The following TACR3 variants were observed in gnomAD, a reference collection of about 807,000 sequenced individuals.
TACR3 encodes neuromedin-K receptor.
In TACR3, 34 loss-of-function variants were observed where a neutral mutation model predicts 35.0. That is an observed-to-expected ratio of 0.97 (90% confidence interval 0.74 to 1.30). The LOEUF (loss-of-function observed/expected upper bound fraction) is 1.30, where lower values mean the gene tolerates loss of function less well. TACR3 is among the 50% of genes most tolerant of loss of function. The pLI, the probability that TACR3 is intolerant of heterozygous loss-of-function variation, is 0.00. For missense variants in TACR3, 558 were observed against 591.7 expected (o/e 0.94, Z 0.59); for synonymous variants, 233 against 221.1 (o/e 1.05, Z -0.48).
chr4:103,697,458 T>G (rs1021596070), intron 1 of TACR3, among the ~76,000 whole-genome samples: 2 of 151,692 alleles, frequency 1.3e-5, no homozygotes, highest in Non-Finnish European at 2.9e-5. Context: ...GGAGTCTCCT[T>G]CTGTTGCCCA....
At chr4:103,629,878 A>T (rs573796498) in intron 3 of TACR3, among the ~76,000 whole-genome samples, 4 of 141,706 alleles carry the variant, frequency 2.8e-5, no homozygotes, top group Non-Finnish European at 6.2e-5. Context: ...AAAACAAAAA[A>T]AACAACAACA....
At chr4:103,663,706 C>G (rs1430106862) in intron 1 of TACR3, among the ~76,000 whole-genome samples, 1 of 152,098 alleles carries the variant, frequency 6.6e-6, no homozygotes, top group African/African-American at 2.4e-5. Context: ...GGAGAATTGC[C>G]AGGCTCTGAT....
intron 3 of TACR3, among the ~76,000 whole-genome samples, chr4:103,612,481 T>C (rs936166715): frequency 6.6e-6 from 1 of 152,170 alleles, no homozygotes; most frequent in Non-Finnish European, 1.5e-5. Flanking sequence ...TTTGCCCTGC[T>C]TAAATGCAAA....
intron 1 of TACR3, among the ~76,000 whole-genome samples, chr4:103,680,921 A>C (rs530314575): frequency 3.7e-4 from 57 of 152,052 alleles, no homozygotes; most frequent in Middle Eastern, 6.8e-3. Context: ...TTTCAAAAGA[A>C]AACTCTAATT....
intron 1 of TACR3, among the ~76,000 whole-genome samples, chr4:103,698,771 TTAAAA>T (rs1037718982): frequency 9.2e-5 from 14 of 151,810 alleles, no homozygotes; most frequent in Admixed American, 2.0e-4. Context: ...ATTGCATATT[TTAAAA>T]TAAAATAAAA....
At chr4:103,703,163 T>C (rs993170943) in intron 1 of TACR3, among the ~76,000 whole-genome samples, 2 of 152,198 alleles carry the variant, frequency 1.3e-5, no homozygotes, top group Admixed American at 6.5e-5. Flanking sequence ...TTTGCATGTA[T>C]CTCAGAGTCA....
intron 1 of TACR3, among the ~76,000 whole-genome samples, chr4:103,710,496 G>A (rs1048272784): frequency 6.6e-6 from 1 of 151,938 alleles, no homozygotes; most frequent in Non-Finnish European, 1.5e-5. Context: ...AAAGCTGTGT[G>A]TAGAGGGAAA....
chr4:103,633,650 A>C (rs188274399), intron 3 of TACR3, among the ~76,000 whole-genome samples: 4 of 152,224 alleles, frequency 2.6e-5, no homozygotes, highest in Admixed American at 6.6e-5. Context: ...AATCAGTGAG[A>C]ACATAAAATG....
intron 3 of TACR3, among the ~76,000 whole-genome samples, chr4:103,630,668 A>G (rs1725036790): frequency 6.6e-6 from 1 of 152,208 alleles, no homozygotes; most frequent in Admixed American, 6.5e-5. Flanking sequence ...GATCGTTAAA[A>G]AGTCAGGAAA....
intron 3 of TACR3, among the ~76,000 whole-genome samples, chr4:103,618,542 A>AG (rs1487908449): frequency 9.0e-6 from 1 of 110,876 alleles, no homozygotes; most frequent in Non-Finnish European, 1.8e-5. Flanking sequence ...CTTTTTGCTT[A>AG]GGATTGCTTT....
intron 3 of TACR3, among the ~76,000 whole-genome samples, chr4:103,593,829 T>G (rs1723945586): frequency 6.6e-6 from 1 of 152,174 alleles, no homozygotes; most frequent in South Asian, 2.1e-4. Flanking sequence ...TTGCTCTTTC[T>G]CTTCAGTTTG....
chr4:103,682,681 T>C (rs1408907329), intron 1 of TACR3, among the ~76,000 whole-genome samples: 1 of 152,146 alleles, frequency 6.6e-6, no homozygotes, highest in Non-Finnish European at 1.5e-5. Flanking sequence ...CAAAAACAGT[T>C]AATATCTGAC....
intron 3 of TACR3, among the ~76,000 whole-genome samples, chr4:103,613,441 TC>T (rs1724556749): frequency 6.6e-6 from 1 of 151,878 alleles, no homozygotes; most frequent in South Asian, 2.1e-4. Flanking sequence ...TGCCTCAACT[TC>T]CCGAGTAGCT....
chr4:103,653,248 T>C (rs961916637), intron 3 of TACR3, among the ~76,000 whole-genome samples: 3 of 152,092 alleles, frequency 2.0e-5, no homozygotes, highest in African/African-American at 7.2e-5. Context: ...ATTTTGAAAC[T>C]GTGGAGTAAT....
At chr4:103,640,003 C>T (rs1277056054) in intron 3 of TACR3, among the ~76,000 whole-genome samples, 1 of 151,758 alleles carries the variant, frequency 6.6e-6, no homozygotes, top group Non-Finnish European at 1.5e-5. Flanking sequence ...ATGAATAGGG[C>T]AAAGTAAGTG....
chr4:103,647,406 T>TC (rs1725486453), intron 3 of TACR3, among the ~76,000 whole-genome samples: 1 of 151,890 alleles, frequency 6.6e-6, no homozygotes, highest in African/African-American at 2.4e-5. Flanking sequence ...AATGTAAGCA[T>TC]TAATATAACT....
At chr4:103,692,567 T>C (rs1013574086) in intron 1 of TACR3, among the ~76,000 whole-genome samples, 1 of 152,138 alleles carries the variant, frequency 6.6e-6, no homozygotes, top group Non-Finnish European at 1.5e-5. Context: ...TAACCAACTT[T>C]CTGTAATTAA....
chr4:103,594,633 C>T (rs867923679), intron 3 of TACR3, among the ~76,000 whole-genome samples: 11 of 152,010 alleles, frequency 7.2e-5, no homozygotes, highest in Admixed American at 2.6e-4. Context: ...AATTGTTTTC[C>T]GACAATTGCT....
Position 103,590,011 on chromosome 4 carries a change from CACA to C in TACR3, c.1086-20_1086-18del. 1 of 1,610,974 alleles carries C rather than the reference CACA, an allele frequency of 6.2e-7. No individual in the cohort carries two copies. The highest frequency in any genetic ancestry group is 8.5e-7 in the Non-Finnish European group (1 of 1,178,356). On this transcript the variant is annotated intron_variant, in intron 4 of 4. Transcript: ENST00000304883. ...GCTCGAAATCTGAGGAAAAGCAGGC[CACA>C]GAAAGAAAAAGTTATTTTTTCAAGC...
Sources: gnomAD v4.1 joint callset for allele counts (sites outside exome capture counted in the v4.1 genomes callset) on GRCh38, gnomAD v4.1.1 for gene constraint, MANE v1.5 for transcripts, NCBI Gene and HGNC (gene_info 2026-07-23, HGNC 2026-07-21) for gene names.